Variants in IFT88 observed in about 807,000 individuals in gnomAD.
IFT88 encodes intraflagellar transport protein 88 homolog.
Under a neutral mutation model 119.5 loss-of-function variants are expected in IFT88, and 74 were observed. That is an observed-to-expected ratio of 0.62 (90% confidence interval 0.51 to 0.75). The LOEUF is 0.75. Among genes scored for constraint, IFT88 ranks in the 30% least tolerant of loss-of-function variants. The pLI, the probability that IFT88 is intolerant of heterozygous loss-of-function variation, is 0.00. For missense variants in IFT88, 961 were observed against 977.7 expected (o/e 0.98, Z 0.23); for synonymous variants, 279 against 316.7 (o/e 0.88, Z 1.26).
Position 20,593,611 on chromosome 13 carries a change from C to G in IFT88, c.398+1207C>G, listed in dbSNP as rs137945424. ...TAAATTACATAATTTCCATTTTTGACTAGCAAGGAACCTCTATAGAAAATC... is the reference window on the plus strand; with the variant it reads ...TAAATTACATAATTTCCATTTTTGAGTAGCAAGGAACCTCTATAGAAAATC... On this transcript the variant is annotated intron_variant, in intron 7 of 25. Coordinates refer to ENST00000351808, the MANE Select transcript of IFT88 (RefSeq NM_006531.5). Among the ~76,000 whole-genome samples the G allele has an allele frequency of 3.6e-4, 54 of 151,776 alleles. No homozygotes were observed. In the East Asian group the frequency reaches 8.9e-3, roughly 25 times the overall value.
rs56062553 is a variant in IFT88, at chr13:20,611,514, CAAAAAAAAAAAAAAAAA to C, written c.1113-4268_1113-4252del. On this transcript the variant is annotated intron_variant, in intron 13 of 25. Transcript: ENST00000351808. ...TGGGAGACAGAGCATGACCCAGTCTCAAAAAAAAAAAAAAAAAAAAAAAAAAAGACTGAATGCTTTGC... is the reference window on the plus strand; with the variant it reads ...TGGGAGACAGAGCATGACCCAGTCTCAAAAAAAAAAGACTGAATGCTTTGC... Among the ~76,000 whole-genome samples the C allele has an allele frequency of 5.1e-5, 3 of 59,076 alleles. No individual in the cohort carries two copies. In the East Asian group the frequency reaches 2.1e-3, roughly 41 times the overall value. 38.8% of individuals were successfully genotyped at this position (59,076 alleles called of 152,430 possible). A position where few individuals can be genotyped will look rare whatever the true frequency, so the allele number is the denominator to read the frequency against.
chr13:20,689,316 T>C (rs2058260375), intron 24 of IFT88, among the ~76,000 whole-genome samples: 2 of 152,154 alleles, frequency 1.3e-5, no homozygotes, highest in South Asian at 4.1e-4. Context: ...TTCAGAAGGG[T>C]TTTGGGTGCC....
intron 11 of IFT88, 102 bp downstream of exon 11, chr13:20,599,667 T>C: frequency 1.6e-6 from 1 of 619,786 alleles, no homozygotes; most frequent in Non-Finnish European, 2.9e-6. Flanking sequence ...TTTCAAAGTG[T>C]TTGTACATGA....
intron 14 of IFT88, among the ~76,000 whole-genome samples, chr13:20,620,155 A>G (rs1184517402): frequency 1.3e-5 from 2 of 152,130 alleles, no homozygotes; most frequent in African/African-American, 2.4e-5. Context: ...TACAGGATCT[A>G]TATGGAATTG....
intron 6 of IFT88, among the ~76,000 whole-genome samples, chr13:20,591,962 A>G (rs921058961): frequency 2.0e-5 from 3 of 152,204 alleles, no homozygotes; most frequent in Non-Finnish European, 2.9e-5. Flanking sequence ...AACAAAAATT[A>G]ATGTTTGGTA....
chr13:20,660,709 CAAAT>C (rs2053643295), intron 22 of IFT88, among the ~76,000 whole-genome samples: 1 of 152,006 alleles, frequency 6.6e-6, no homozygotes, highest in Admixed American at 6.5e-5. Flanking sequence ...GGTAATTGCA[CAAAT>C]ATAGCTCTGG....
rs757112173 is a variant in IFT88 at position 20,625,817 on chromosome 13, G to A, written c.1267G>A (p.Val423Ile). ...CAATGATCTGGAAATAAACAAAGCA[G>A]TTACATACTTGAGACAAAAAGACTA... Reference protein sequence around the residue: ...LANDLEINKAVTYLRQKDYNQ... With the variant: ...LANDLEINKAITYLRQKDYNQ... The change falls in exon 15 of 26, where the codon GTT becomes ATT. Residue 423 changes from valine (V) to isoleucine (I), a missense_variant. Val to Ile is a conservative substitution (Grantham distance 29, BLOSUM62 3). Transcript: ENST00000351808. 1.5e-5 allele frequency: 24 copies of A among 1,599,390 alleles called. No individual in the cohort carries two copies. The highest frequency in any genetic ancestry group is 2.3e-5 in the East Asian group (1 of 44,198).
At chr13:20,678,094 A>G (rs1386454658) in intron 24 of IFT88, among the ~76,000 whole-genome samples, 1 of 152,240 alleles carries the variant, frequency 6.6e-6, no homozygotes, top group Admixed American at 6.5e-5. Context: ...CCTTAAAGAA[A>G]GCAGTCTCAG....
intron 2 of IFT88, among the ~76,000 whole-genome samples, chr13:20,577,962 G>T (rs1437583589): frequency 1.3e-5 from 2 of 150,064 alleles, no homozygotes; most frequent in Non-Finnish European, 3.0e-5. Flanking sequence ...GTAAAATTCA[G>T]CAGTGAAGCC....
At chr13:20,629,564 TAATA>T (rs1254705937) in intron 15 of IFT88, among the ~76,000 whole-genome samples, 3 of 152,186 alleles carry the variant, frequency 2.0e-5, no homozygotes, top group Middle Eastern at 3.2e-3. Context: ...GTGCAAATAA[TAATA>T]AATAAAAGAA....
At chr13:20,649,915 C>T (rs1267094450) in intron 20 of IFT88, among the ~76,000 whole-genome samples, 1 of 152,016 alleles carries the variant, frequency 6.6e-6, no homozygotes, top group African/African-American at 2.4e-5. Context: ...ACACAATCAA[C>T]CAAACCCAAC....
At chr13:20,572,140 C>G (rs1257813208) in intron 1 of IFT88, among the ~76,000 whole-genome samples, 1 of 152,084 alleles carries the variant, frequency 6.6e-6, no homozygotes, top group Admixed American at 6.6e-5. Flanking sequence ...CTCCTGCTAC[C>G]TAGATTCCAC....
intron 23 of IFT88, among the ~76,000 whole-genome samples, chr13:20,666,627 A>G (rs1197519239): frequency 1.3e-5 from 2 of 152,114 alleles, no homozygotes; most frequent in Non-Finnish European, 2.9e-5. Context: ...TTGTTCACTT[A>G]TTTTATTTGT....
chr13:20,667,128 T>G (rs1310825554), intron 23 of IFT88, among the ~76,000 whole-genome samples: 1 of 152,210 alleles, frequency 6.6e-6, no homozygotes, highest in African/African-American at 2.4e-5. Context: ...ATCATTTATG[T>G]CAATCATTGT....
chr13:20,596,365 A>G (rs1316981853), intron 8 of IFT88, 125 bp downstream of exon 8: 3 of 352,354 alleles, frequency 8.5e-6, no homozygotes, highest in African/African-American at 6.4e-5. Flanking sequence ...ATAAGAAGCA[A>G]TTATTTTGAG....
In IFT88 at chr13:20,691,044, C is replaced by T. The variant is rs755676742; in HGVS notation, c.2354-10C>T. 9.9e-6 allele frequency: 16 copies of T among 1,610,898 alleles called. No individual in the cohort carries two copies. Among genetic ancestry groups the T allele is most frequent in the East Asian group, 2.2e-5 (1 of 44,872 alleles). Reference sequence around the variant, plus strand: ...CATAACTCTAACGTGACAATCTCTTCGAAACCTAGATGCCTCCTATGTGGA... The same window carrying T: ...CATAACTCTAACGTGACAATCTCTTTGAAACCTAGATGCCTCCTATGTGGA... On this transcript the variant is annotated splice_polypyrimidine_tract_variant and intron_variant, in intron 25 of 25. Transcript: ENST00000351808.
chr13:20,671,927 C>T (rs960794610), intron 24 of IFT88, among the ~76,000 whole-genome samples: 2 of 152,142 alleles, frequency 1.3e-5, no homozygotes, highest in Non-Finnish European at 2.9e-5. Context: ...GGCCTTTCAT[C>T]CATTCACAGT....
At chr13:20,634,449 A>C (rs1407627643) in intron 16 of IFT88, among the ~76,000 whole-genome samples, 4 of 152,206 alleles carry the variant, frequency 2.6e-5, no homozygotes, top group African/African-American at 9.6e-5. Context: ...TCATGCCTGT[A>C]ATCCCAGCAC....
At position 20,605,117 on chromosome 13, in the gene IFT88, A is replaced by C; in HGVS notation, c.1112+12A>C. 8.3e-7 allele frequency: 1 copy of C among 1,205,960 alleles called. No individual in the cohort carries two copies. The highest frequency in any genetic ancestry group is 1.2e-6 in the Non-Finnish European group (1 of 830,434). The allele number at this position is 1,205,960 out of a possible 1,614,324, so 74.7% of individuals were successfully genotyped here. Reference sequence around the variant, plus strand: ...ATGGAACGTGAAAGGTAATATTTTAAACTTAATAACGTAGTTATTAATTAC... The same window carrying C: ...ATGGAACGTGAAAGGTAATATTTTACACTTAATAACGTAGTTATTAATTAC... On this transcript the variant is annotated intron_variant, in intron 13 of 25. Coordinates refer to ENST00000351808, the MANE Select transcript of IFT88 (RefSeq NM_006531.5).
Sources: gnomAD v4.1 joint callset for allele counts (sites outside exome capture counted in the v4.1 genomes callset) on GRCh38, gnomAD v4.1.1 for gene constraint, MANE v1.5 for transcripts, NCBI Gene and HGNC (gene_info 2026-07-23, HGNC 2026-07-21) for gene names.